KDM4C: variants seen among roughly 807,000 people sequenced by gnomAD.
The protein encoded by KDM4C is lysine-specific demethylase 4C.
Under a neutral mutation model 129.3 loss-of-function variants are expected in KDM4C, and 81 were observed. That is an observed-to-expected ratio of 0.63 (90% confidence interval 0.52 to 0.75). The LOEUF is 0.75. KDM4C is among the 30% of genes least tolerant of loss of function. The pLI is 0.00. For missense variants in KDM4C, 1,457 were observed against 1,304.0 expected (o/e 1.12, Z -1.81); for synonymous variants, 573 against 456.1 (o/e 1.26, Z -3.26).
chr9:7,133,603 T>C (rs1014064685), intron 19 of KDM4C, among the ~76,000 whole-genome samples: 5 of 152,178 alleles, frequency 3.3e-5, no homozygotes, highest in African/African-American at 1.2e-4. Flanking sequence ...TGCAGGTTAG[T>C]CCCCTTGTTC....
chr9:7,149,225 T>C (rs1237445674), intron 19 of KDM4C, among the ~76,000 whole-genome samples: 2 of 152,236 alleles, frequency 1.3e-5, no homozygotes, highest in East Asian at 1.9e-4. Context: ...GGTGTGTTAG[T>C]GCCATCCTGA....
intron 6 of KDM4C, among the ~76,000 whole-genome samples, chr9:6,883,348 C>T (rs1020451954): frequency 1.3e-5 from 2 of 151,968 alleles, no homozygotes; most frequent in Non-Finnish European, 2.9e-5. Context: ...TGCAAAAGAC[C>T]AGTGATATAT....
intron 19 of KDM4C, among the ~76,000 whole-genome samples, chr9:7,154,790 G>A (rs891287892): frequency 2.0e-5 from 3 of 152,022 alleles, no homozygotes; most frequent in Non-Finnish European, 4.4e-5. Flanking sequence ...CTGCAGCTAC[G>A]GGCTTACTGG....
intron 1 of KDM4C, among the ~76,000 whole-genome samples, chr9:6,725,778 C>A (rs1224369144): frequency 1.4e-5 from 2 of 141,710 alleles, no homozygotes; most frequent in African/African-American, 5.3e-5. Context: ...GGTGCGATCT[C>A]GGCTCACTGC....
intron 1 of KDM4C, among the ~76,000 whole-genome samples, chr9:6,783,829 G>T (rs188698476): frequency 6.6e-6 from 1 of 152,290 alleles, no homozygotes; most frequent in Admixed American, 6.5e-5. Flanking sequence ...CAATCCATTG[G>T]TGGAGGCAGA....
At chr9:6,744,883 G>C (rs1404579678) in intron 1 of KDM4C, among the ~76,000 whole-genome samples, 5 of 152,072 alleles carry the variant, frequency 3.3e-5, no homozygotes, top group African/African-American at 9.7e-5. Context: ...GGATACCTGG[G>C]GCACTGAGAG....
chr9:6,947,653 A>G (rs542547150), intron 8 of KDM4C, among the ~76,000 whole-genome samples: 1 of 152,210 alleles, frequency 6.6e-6, no homozygotes, highest in Admixed American at 6.5e-5. Context: ...AGGTCCTTGA[A>G]TTTCAAATTG....
chr9:6,824,486 A>G (rs1320830610), intron 4 of KDM4C, among the ~76,000 whole-genome samples: 1 of 152,198 alleles, frequency 6.6e-6, no homozygotes, highest in Non-Finnish European at 1.5e-5. Flanking sequence ...ACTCCAAGAC[A>G]GTAGTTCTCA....
chr9:7,041,997 A>AT (rs1171855325), intron 15 of KDM4C, among the ~76,000 whole-genome samples: 2 of 151,928 alleles, frequency 1.3e-5, no homozygotes, highest in Non-Finnish European at 2.9e-5. Context: ...ACAGATCCAT[A>AT]TTTTTTTGTT....
chr9:6,882,330 G>C (rs1844582796), intron 6 of KDM4C, among the ~76,000 whole-genome samples: 1 of 152,162 alleles, frequency 6.6e-6, no homozygotes, highest in Admixed American at 6.5e-5. Flanking sequence ...ATGAATGACA[G>C]TTTGGAAGAT....
rs146055749 is a variant in KDM4C, at chr9:7,032,862, C to T, written c.2260-14000C>T. Among the ~76,000 whole-genome samples, 1,504 of 152,280 alleles carry T rather than the reference C, an allele frequency of 9.9e-3. 10 individuals carry two copies. Among genetic ancestry groups the T allele is most frequent in the Non-Finnish European group, 0.015 (1,044 of 68,002 alleles). On this transcript the variant is annotated intron_variant, in intron 15 of 21. Transcript: ENST00000381309. Reference sequence around the variant, plus strand: ...AAGCCAGCACTAACTTCTGGCGTTACTGGTTTTCTACTTAACGTAGAATAA... The same window carrying T: ...AAGCCAGCACTAACTTCTGGCGTTATTGGTTTTCTACTTAACGTAGAATAA...
At chr9:6,873,390 T>TAGTAGGTATAAA (rs1843060521) in intron 5 of KDM4C, among the ~76,000 whole-genome samples, 3 of 152,232 alleles carry the variant, frequency 2.0e-5, no homozygotes, top group Admixed American at 6.5e-5. Context: ...GGAGGTTTCC[T>TAGTAGGTATAAA]CCACATTGAA....
chr9:6,747,992 A>C (rs1012909213), intron 1 of KDM4C, among the ~76,000 whole-genome samples: 30 of 151,984 alleles, frequency 2.0e-4, no homozygotes, highest in African/African-American at 6.3e-4. Flanking sequence ...AGCCTGGGCA[A>C]TATGGTGAAA....
At position 6,866,904 on chromosome 9, in the gene KDM4C, C is replaced by CATATAT. The variant is rs141311036; in HGVS notation, c.630-13094_630-13089dup. On this transcript the variant is annotated intron_variant, in intron 5 of 21. Transcript: ENST00000381309. ...TGACTTGGTGCTGTATATATATATACATATATATATATATATATAGAAAAA... is the reference window on the plus strand; with the variant it reads ...TGACTTGGTGCTGTATATATATATACATATATATATATATATATATATATAGAAAAA... Among the ~76,000 whole-genome samples the CATATAT allele has an allele frequency of 6.3e-3, 832 of 131,046 alleles. 9 individuals carry two copies. The highest frequency in any genetic ancestry group is 0.022 in the African/African-American group (783 of 36,110). The allele number at this position is 131,046 out of a possible 152,430, so 86.0% of individuals were successfully genotyped here.
chr9:6,879,219 A>G (rs953311117), intron 5 of KDM4C, among the ~76,000 whole-genome samples: 4 of 152,208 alleles, frequency 2.6e-5, no homozygotes, highest in African/African-American at 9.6e-5. Flanking sequence ...GATTATTCAA[A>G]TTTATTGTTA....
intron 8 of KDM4C, among the ~76,000 whole-genome samples, chr9:6,940,453 C>T (rs886132748): frequency 7.9e-5 from 12 of 152,168 alleles, no homozygotes; most frequent in East Asian, 3.9e-4. Context: ...AAAATCTTTG[C>T]GGGAATTGTG....
intron 8 of KDM4C, among the ~76,000 whole-genome samples, chr9:6,912,486 G>A (rs1272990863): frequency 6.6e-6 from 1 of 152,146 alleles, no homozygotes; most frequent in African/African-American, 2.4e-5. Flanking sequence ...TAGAATGAAT[G>A]AATACAAATG....
At chr9:6,725,927 C>A (rs113496207) in intron 1 of KDM4C, among the ~76,000 whole-genome samples, 13 of 114,926 alleles carry the variant, frequency 1.1e-4, no homozygotes, top group African/African-American at 4.7e-4. Flanking sequence ...TCTTTTCTTT[C>A]TTTATTTTTT....
At chr9:7,174,111 T>G (rs1845220792) in intron 21 of KDM4C, among the ~76,000 whole-genome samples, 1 of 152,172 alleles carries the variant, frequency 6.6e-6, no homozygotes, top group Non-Finnish European at 1.5e-5. Flanking sequence ...CAAGTCAGTT[T>G]AGGGATAGGA....
Sources: gnomAD v4.1 joint callset for allele counts (sites outside exome capture counted in the v4.1 genomes callset) on GRCh38, gnomAD v4.1.1 for gene constraint, MANE v1.5 for transcripts, NCBI Gene and HGNC (gene_info 2026-07-23, HGNC 2026-07-21) for gene names.